VSTM4: variants seen among roughly 807,000 people sequenced by gnomAD.
The protein encoded by VSTM4 is V-set and transmembrane domain containing 4.
In VSTM4, 20 loss-of-function variants were observed where a neutral mutation model predicts 36.4. The ratio of observed to expected loss-of-function variants is 0.55; its 90% CI spans 0.39 to 0.80. VSTM4 has a LOEUF of 0.80. Among genes scored for constraint, VSTM4 ranks in the 30% least tolerant of loss-of-function variants. The probability of loss-of-function intolerance (pLI) is 0.00; values close to 1 mark genes in which losing one functional copy is unlikely to be tolerated. For missense variants in VSTM4, 392 were observed against 404.5 expected (o/e 0.97, Z 0.26); for synonymous variants, 182 against 173.9 (o/e 1.05, Z -0.37).
intron 7 of VSTM4, among the ~76,000 whole-genome samples, chr10:49,030,441 T>C (rs543182257): frequency 2.6e-5 from 4 of 152,324 alleles, no homozygotes; most frequent in African/African-American, 2.4e-5. Flanking sequence ...CAGGTATAAA[T>C]GAGCCTTGAG....
Position 49,036,093 on chromosome 10 carries a change from T to C in VSTM4, c.837+10890A>G, listed in dbSNP as rs144943241. Among the ~76,000 whole-genome samples, 4 of 152,270 alleles carry C rather than the reference T, an allele frequency of 2.6e-5. No homozygotes were observed. The East Asian group carries it at 5.8e-4, about 22-fold the overall frequency. On this transcript the variant is annotated intron_variant, in intron 7 of 7. Transcript: ENST00000332853. ...TGATACAGGATATTCTCACTTCCAGTGTGGGAGAGATATGATCTTGATCAC... is the reference window on the plus strand; with the variant it reads ...TGATACAGGATATTCTCACTTCCAGCGTGGGAGAGATATGATCTTGATCAC...
chr10:49,021,567 G>A (rs1459996537), intron 7 of VSTM4, among the ~76,000 whole-genome samples: 1 of 152,124 alleles, frequency 6.6e-6, no homozygotes, highest in African/African-American at 2.4e-5. Context: ...AGGACCAGCA[G>A]TTCATGGGAA....
At chr10:49,091,295 C>T (rs1046693786) in intron 2 of VSTM4, among the ~76,000 whole-genome samples, 44 of 152,186 alleles carry the variant, frequency 2.9e-4, no homozygotes, top group African/African-American at 1.0e-3. Context: ...AGCTACAGGC[C>T]ACTCTGGGGC....
chr10:49,028,220 C>A (rs1012336286), intron 7 of VSTM4, among the ~76,000 whole-genome samples: 1 of 152,216 alleles, frequency 6.6e-6, no homozygotes, highest in African/African-American at 2.4e-5. Flanking sequence ...TCTTACATAG[C>A]ACAGTTTCCT....
chr10:49,110,485 C>G lies in VSTM4; in HGVS notation c.56-2490G>C, dbSNP rs1045140601. ...GCCCCATATTCTCTTACAAATGGCA[C>G]AAACTTCTGTTTCTTCTACCAAAGT... On this transcript the variant is annotated intron_variant, in intron 1 of 7. Transcript: ENST00000332853. Among the ~76,000 whole-genome samples the G allele has an allele frequency of 3.9e-5, 6 of 152,190 alleles. No individual in the cohort carries two copies. In the East Asian group the frequency reaches 1.2e-3, roughly 29 times the overall value.
chr10:49,019,982 A>C (rs1843158294), intron 7 of VSTM4, among the ~76,000 whole-genome samples: 1 of 152,218 alleles, frequency 6.6e-6, no homozygotes, highest in Admixed American at 6.5e-5. Context: ...TACGTCCTGC[A>C]GTGAGATCCT....
At chr10:49,066,019 T>C (rs1275125065) in intron 4 of VSTM4, among the ~76,000 whole-genome samples, 1 of 152,124 alleles carries the variant, frequency 6.6e-6, no homozygotes, top group Non-Finnish European at 1.5e-5. Context: ...GGCACTATTC[T>C]AAGCTTATTA....
At chr10:49,043,434 C>G (rs1323089002) in intron 7 of VSTM4, among the ~76,000 whole-genome samples, 1 of 152,092 alleles carries the variant, frequency 6.6e-6, no homozygotes, top group Non-Finnish European at 1.5e-5. Context: ...TTATAGGTGA[C>G]AGTCATGAGG....
chr10:49,097,531 C>T lies in VSTM4; in HGVS notation c.457+10063G>A, dbSNP rs888516675. On this transcript the variant is annotated intron_variant, in intron 2 of 7. Coordinates refer to ENST00000332853, the MANE Select transcript of VSTM4 (RefSeq NM_001031746.5). ...AAGGGTGCGTAGAGGGGCAATCAGG[C>T]CCTAGACATGAGAGAAACAGGAAGA... Among the ~76,000 whole-genome samples the T allele has an allele frequency of 8.5e-5, 13 of 152,252 alleles. No individual in the cohort carries two copies. In the East Asian group the frequency reaches 2.5e-3, roughly 29 times the overall value.
intron 4 of VSTM4, among the ~76,000 whole-genome samples, chr10:49,068,432 T>C (rs371680254): frequency 4.8e-4 from 73 of 152,260 alleles, no homozygotes; most frequent in African/African-American, 1.5e-3. Flanking sequence ...AGGAGCCCGA[T>C]GAGGCCAGAC....
chr10:49,065,581 G>A (rs1286964461), intron 4 of VSTM4, among the ~76,000 whole-genome samples: 1 of 152,130 alleles, frequency 6.6e-6, no homozygotes, highest in Non-Finnish European at 1.5e-5. Context: ...ACATGAGGAA[G>A]CCTGGCTAGC....
At chr10:49,077,997 A>C (rs1844210708) in intron 3 of VSTM4, among the ~76,000 whole-genome samples, 1 of 152,188 alleles carries the variant, frequency 6.6e-6, no homozygotes, top group African/African-American at 2.4e-5. Context: ...AGAAATGAAA[A>C]AAAAAAAAAT....
At chr10:49,061,424 C>CA (rs1392935977) in intron 5 of VSTM4, among the ~76,000 whole-genome samples, 3 of 152,066 alleles carry the variant, frequency 2.0e-5, no homozygotes, top group Non-Finnish European at 4.4e-5. Context: ...TTTAGATCTT[C>CA]AATAACCATG....
intron 2 of VSTM4, among the ~76,000 whole-genome samples, chr10:49,090,566 AG>A (rs1368156533): frequency 6.6e-6 from 1 of 152,134 alleles, no homozygotes; most frequent in African/African-American, 2.4e-5. Context: ...ATCCCTTCCC[AG>A]GAAGGTGCAG....
chr10:49,104,243 G>A (rs1012473054), intron 2 of VSTM4, among the ~76,000 whole-genome samples: 2 of 152,158 alleles, frequency 1.3e-5, no homozygotes, highest in African/African-American at 2.4e-5. Context: ...AGGCTGCAGT[G>A]AGCCAAGATC....
chr10:49,101,914 T>C (rs548149153), intron 2 of VSTM4, among the ~76,000 whole-genome samples: 1 of 152,306 alleles, frequency 6.6e-6, no homozygotes, highest in African/African-American at 2.4e-5. Context: ...ATACATGTAA[T>C]ATCACCAACA....
intron 1 of VSTM4, among the ~76,000 whole-genome samples, chr10:49,113,849 C>T (rs1225356724): frequency 6.6e-6 from 1 of 152,136 alleles, no homozygotes; most frequent in East Asian, 1.9e-4. Flanking sequence ...CAGTGAGTGT[C>T]CCACAAGCAG....
At chr10:49,108,365 A>T (rs919427555) in intron 1 of VSTM4, among the ~76,000 whole-genome samples, 4 of 151,478 alleles carry the variant, frequency 2.6e-5, no homozygotes, top group African/African-American at 9.7e-5. Context: ...ACCCCCCACC[A>T]CTCCCCACAC....
chr10:49,069,212 C>G (rs538361690), intron 4 of VSTM4, among the ~76,000 whole-genome samples: 2 of 152,160 alleles, frequency 1.3e-5, no homozygotes, highest in South Asian at 2.1e-4. Flanking sequence ...TATCAGGCCC[C>G]GTAACAGTGT....
Sources: allele counts gnomAD v4.1 joint callset (sites outside exome capture counted in the v4.1 genomes callset), GRCh38; gene constraint gnomAD v4.1.1; transcripts MANE v1.5; gene names NCBI Gene and HGNC (gene_info 2026-07-23, HGNC 2026-07-21).